WDFY3: variants seen among roughly 807,000 people sequenced by gnomAD.
WDFY3 encodes the protein WD repeat and FYVE domain containing 3, also known as WD repeat and FYVE domain-containing protein 3.
A neutral mutation model predicts 409.6 loss-of-function variants in WDFY3; 66 were observed. The ratio of observed to expected loss-of-function variants is 0.16; its 90% CI spans 0.13 to 0.20. The LOEUF (loss-of-function observed/expected upper bound fraction) is 0.20, where lower values mean the gene tolerates loss of function less well. WDFY3 is among the 10% of genes least tolerant of loss of function. The pLI is 1.00. For missense variants in WDFY3, 3,031 were observed against 4,298.1 expected, an observed-to-expected ratio of 0.71 and a Z score of 8.24; for synonymous variants, 1,521 against 1,537.1, an observed-to-expected ratio of 0.99 and a Z score of 0.25.
intron 32 of WDFY3, among the ~76,000 whole-genome samples, chr4:84,761,883 C>T (rs1742672883): frequency 6.6e-6 from 1 of 152,192 alleles, no homozygotes. Flanking sequence ...CACTGGCCAT[C>T]AGAGAAATGC....
At chr4:84,758,807 TATC>T (rs1406436171) in intron 32 of WDFY3, among the ~76,000 whole-genome samples, 2 of 152,190 alleles carry the variant, frequency 1.3e-5, no homozygotes, top group African/African-American at 4.8e-5. Flanking sequence ...AAATTACTAT[TATC>T]ATTTTTACAA....
intron 10 of WDFY3, among the ~76,000 whole-genome samples, chr4:84,823,901 C>G (rs902008703): frequency 1.3e-5 from 2 of 152,282 alleles, no homozygotes; most frequent in South Asian, 4.1e-4. Flanking sequence ...ACCATATGAT[C>G]TAGCACTTTA....
At chr4:84,808,813 A>G (rs552300070) in intron 14 of WDFY3, 2 of 152,952 alleles carry the variant, frequency 1.3e-5, no homozygotes, top group Admixed American at 6.5e-5. Flanking sequence ...AACTATACAT[A>G]TGCATTTTAC....
In WDFY3 at chr4:84,906,771, A is replaced by ATTT. The variant is rs574300152; in HGVS notation, c.-131-9764_-131-9762dup. Reference sequence around the variant, plus strand: ...TTAAAACATTATGAGATATTTTGTGATTTTTTTTTTTTTTTTTAGCTCATC... The same window carrying ATTT: ...TTAAAACATTATGAGATATTTTGTGATTTTTTTTTTTTTTTTTTTTAGCTCATC... On this transcript the variant is annotated intron_variant, in intron 2 of 67. Transcript: ENST00000295888. Among the ~76,000 whole-genome samples, 46 of 136,962 alleles carry ATTT rather than the reference A, an allele frequency of 3.4e-4. 1 individual carries two copies. The highest frequency in any genetic ancestry group is 2.2e-3 in the East Asian group (10 of 4,646). 89.9% of individuals were successfully genotyped at this position (136,962 alleles called of 152,430 possible).
intron 3 of WDFY3, among the ~76,000 whole-genome samples, chr4:84,875,263 A>C (rs1232968636): frequency 1.5e-5 from 2 of 137,578 alleles, no homozygotes; most frequent in Non-Finnish European, 3.1e-5. Flanking sequence ...GCAAGACTCA[A>C]ACACACACAC....
chr4:84,833,799 T>C (rs1756160518), intron 7 of WDFY3, among the ~76,000 whole-genome samples: 1 of 152,168 alleles, frequency 6.6e-6, no homozygotes, highest in African/African-American at 2.4e-5. Context: ...CTGAGAAAAC[T>C]AGGCCTTCCT....
intron 64 of WDFY3, among the ~76,000 whole-genome samples, chr4:84,680,055 T>C (rs958079633): frequency 6.6e-6 from 1 of 151,932 alleles, no homozygotes; most frequent in Non-Finnish European, 1.5e-5. Context: ...CACACCTGGC[T>C]AATTTTTGTA....
intron 2 of WDFY3, among the ~76,000 whole-genome samples, chr4:84,918,011 C>A (rs1184944721): frequency 1.3e-5 from 2 of 152,094 alleles, no homozygotes; most frequent in African/African-American, 4.8e-5. Flanking sequence ...AATACCATTT[C>A]TTTGCCCTTC....
At chr4:84,884,568 A>C (rs149045319) in intron 3 of WDFY3, among the ~76,000 whole-genome samples, 117 of 152,352 alleles carry the variant, frequency 7.7e-4, no homozygotes, top group African/African-American at 2.7e-3. Context: ...ATATATCTCA[A>C]GGATCATAAT....
At position 84,810,290 on chromosome 4, in the gene WDFY3, C is replaced by T. The variant is rs1752267436; in HGVS notation, c.1942G>A (p.Val648Ile). 3.1e-6 allele frequency: 5 copies of T among 1,613,334 alleles called. No homozygotes were observed. The East Asian group carries it at 1.1e-4, about 36-fold the overall frequency. Residue 648 changes from valine (V) to isoleucine (I), a missense_variant, in exon 14 of 68, where the codon GTT becomes ATT. By Grantham distance (29) the Val-to-Ile change is conservative. This residue lies in a region of WDFY3 where 1,322 missense variants were observed against 1,697.9 expected (regional missense o/e 0.78). Transcript: ENST00000295888. ...GATGTAATGTACACAAATCCTCCAA[C>T]TTTCCTAAAAACTGTTCTTGAACGA... ...SHRSRTVFRK[V>I]GGFVYITSLL... is the part of the protein sequence containing the mutation.
intron 1 of WDFY3, among the ~76,000 whole-genome samples, chr4:84,937,523 C>A (rs1290127582): frequency 6.6e-6 from 1 of 152,162 alleles, no homozygotes; most frequent in African/African-American, 2.4e-5. Context: ...TATTGTCCCT[C>A]ACTTGGATTT....
chr4:84,730,739 G>A (rs1167546593), intron 44 of WDFY3, among the ~76,000 whole-genome samples: 1 of 151,678 alleles, frequency 6.6e-6, no homozygotes, highest in African/African-American at 2.4e-5. Flanking sequence ...AATTGTCTTG[G>A]GCCACACATA....
intron 1 of WDFY3, among the ~76,000 whole-genome samples, chr4:84,960,000 A>G (rs191174941): frequency 3.3e-5 from 5 of 152,328 alleles, no homozygotes; most frequent in African/African-American, 1.2e-4. Flanking sequence ...ATGTCAGTCT[A>G]TGAATGTTAG....
intron 3 of WDFY3, among the ~76,000 whole-genome samples, chr4:84,867,646 A>C (rs895843282): frequency 1.9e-4 from 29 of 152,210 alleles, no homozygotes; most frequent in Non-Finnish European, 4.4e-5. Context: ...TCATTTAAAC[A>C]GTTTTCCATT....
intron 13 of WDFY3, among the ~76,000 whole-genome samples, chr4:84,812,566 A>G (rs1054062591): frequency 6.6e-6 from 1 of 152,224 alleles, no homozygotes; most frequent in African/African-American, 2.4e-5. Context: ...AGTGCCCGGC[A>G]TATAAGCCTA....
intron 55 of WDFY3, among the ~76,000 whole-genome samples, chr4:84,703,792 A>G (rs1277941289): frequency 2.6e-5 from 4 of 152,076 alleles, no homozygotes; most frequent in East Asian, 1.9e-4. Context: ...TTCTGGACCT[A>G]TATCTTTCTG....
chr4:84,749,735 A>T (rs1457383960), intron 36 of WDFY3, among the ~76,000 whole-genome samples: 1 of 152,152 alleles, frequency 6.6e-6, no homozygotes, highest in Non-Finnish European at 1.5e-5. Flanking sequence ...AACACATGAA[A>T]GTTGTTCTCT....
rs946089773 is a variant in WDFY3 at position 84,966,371 on chromosome 4, C to G, written c.-388G>C. 2.0e-5 allele frequency: 3 copies of G among 150,364 alleles called. No individual in the cohort carries two copies. Among genetic ancestry groups the G allele is most frequent in the Non-Finnish European group, 3.0e-5 (2 of 67,414 alleles). The allele number at this position is 150,364 out of a possible 1,614,324, so 9.3% of individuals were successfully genotyped here. ...GCGCCGCGGGCCGGGGGCCGGGGCCCGAGCTCGATTCTGCGGCCGCGAGGT... is the reference window on the plus strand; with the variant it reads ...GCGCCGCGGGCCGGGGGCCGGGGCCGGAGCTCGATTCTGCGGCCGCGAGGT... On this transcript the variant is annotated 5_prime_UTR_variant, in exon 1 of 68. Coordinates refer to ENST00000295888, the MANE Select transcript of WDFY3 (RefSeq NM_014991.6).
chr4:84,782,889 C>T (rs2149493259), intron 25 of WDFY3, 74 bp downstream of exon 25: 2 of 1,395,820 alleles, frequency 1.4e-6, no homozygotes, highest in East Asian at 4.6e-5. Flanking sequence ...AATACTGCCC[C>T]TTAAGTGAGG....
Sources: allele counts gnomAD v4.1 joint callset (sites outside exome capture counted in the v4.1 genomes callset), GRCh38; gene constraint gnomAD v4.1.1; regional missense constraint gnomAD v4.1.1; transcripts MANE v1.5; gene names NCBI Gene and HGNC (gene_info 2026-07-23, HGNC 2026-07-21).